Variants in ALKBH1 observed in about 807,000 individuals in gnomAD.
ALKBH1 encodes alkB homolog 1, histone H2A dioxygenase.
ALKBH1 carries 31 observed loss-of-function variants against 36.6 expected under a neutral mutation model. That is an observed-to-expected ratio of 0.85 (90% CI 0.64 to 1.14). ALKBH1 has a LOEUF of 1.14. Ranked by LOEUF, ALKBH1 falls within the 50% of genes most tolerant of loss-of-function variation. ALKBH1 has a pLI of 0.00. For missense variants in ALKBH1, 490 were observed against 497.3 expected (o/e 0.99, Z 0.14); for synonymous variants, 183 against 186.6 (o/e 0.98, Z 0.16).
chr14:77,690,285 A>G (rs2080290143), intron 3 of ALKBH1, among the ~76,000 whole-genome samples: 2 of 152,354 alleles, frequency 1.3e-5, no homozygotes. Flanking sequence ...AGGAAATGAG[A>G]GTAGAGAGGT....
intron 2 of ALKBH1, among the ~76,000 whole-genome samples, chr14:77,695,711 T>C (rs1158975019): frequency 6.6e-6 from 1 of 152,204 alleles, no homozygotes; most frequent in Non-Finnish European, 1.5e-5. Flanking sequence ...AGTGTCTCTG[T>C]ATTATCTCAG....
intron 2 of ALKBH1, among the ~76,000 whole-genome samples, chr14:77,701,728 T>C (rs975019059): frequency 8.5e-5 from 13 of 152,082 alleles, no homozygotes; most frequent in African/African-American, 3.1e-4. Flanking sequence ...GACATTATAT[T>C]TCTATTAAAT....
At chr14:77,689,114 T>C (rs530278408) in intron 3 of ALKBH1, among the ~76,000 whole-genome samples, 2 of 152,374 alleles carry the variant, frequency 1.3e-5, no homozygotes, top group South Asian at 2.1e-4. Flanking sequence ...ATGTTTTTCA[T>C]GGCCGTGCCT....
rs763243068 is a variant in ALKBH1, at chr14:77,708,008, G to C, written c.-4C>G. ...CGGCCGCTGCCATCTTCCCCATCTCGCGGCCTATACCCTCTGATCCGGAAG... is the reference window on the plus strand; with the variant it reads ...CGGCCGCTGCCATCTTCCCCATCTCCCGGCCTATACCCTCTGATCCGGAAG... On this transcript the variant is annotated 5_prime_UTR_variant, in exon 1 of 6. Coordinates refer to ENST00000216489, the MANE Select transcript of ALKBH1 (RefSeq NM_006020.3). The C allele has an allele frequency of 1.2e-6, 2 of 1,608,750 alleles. No homozygotes were observed. The highest frequency in any genetic ancestry group is 2.7e-5 in the African/African-American group (2 of 74,782).
intron 3 of ALKBH1, among the ~76,000 whole-genome samples, chr14:77,692,219 T>C (rs972479531): frequency 6.6e-6 from 1 of 152,220 alleles, no homozygotes; most frequent in Non-Finnish European, 1.5e-5. Flanking sequence ...AGAACTGTTA[T>C]GAGACACAGA....
At chr14:77,689,509 TAATA>T (rs1173911521) in intron 3 of ALKBH1, among the ~76,000 whole-genome samples, 1 of 152,166 alleles carries the variant, frequency 6.6e-6, no homozygotes, top group Non-Finnish European at 1.5e-5. Flanking sequence ...CTTATTGGAC[TAATA>T]AAGAGGGAAT....
chr14:77,679,591 C>T (rs988735146), intron 4 of ALKBH1, among the ~76,000 whole-genome samples: 1 of 152,042 alleles, frequency 6.6e-6, no homozygotes, highest in South Asian at 2.1e-4. Context: ...CCACCAGGCC[C>T]GGCAAACTTT....
intron 3 of ALKBH1, among the ~76,000 whole-genome samples, chr14:77,680,878 C>T (rs1192145647): frequency 1.3e-5 from 2 of 151,882 alleles, no homozygotes; most frequent in Non-Finnish European, 2.9e-5. Context: ...GGAGTTTCTC[C>T]ATATTGAGGC....
intron 2 of ALKBH1, among the ~76,000 whole-genome samples, chr14:77,699,924 G>A (rs796844041): frequency 1.4e-4 from 21 of 152,056 alleles, no homozygotes; most frequent in African/African-American, 2.7e-4. Context: ...GCGTGGTGGC[G>A]GGCGCCTGTA....
chr14:77,680,618 C>T lies in ALKBH1; in HGVS notation c.456-648G>A, dbSNP rs758202536. On this transcript the variant is annotated intron_variant, in intron 3 of 5. Coordinates refer to ENST00000216489, the MANE Select transcript of ALKBH1 (RefSeq NM_006020.3). ...AAACCACAGGAGGTTTCTGTACAAC[C>T]GAGACGTGCTCTTTCTGCAATTACA... Among the ~76,000 whole-genome samples the T allele has an allele frequency of 5.3e-5, 8 of 151,462 alleles. No homozygotes were observed. The East Asian group carries it at 7.7e-4, about 15-fold the overall frequency.
intron 1 of ALKBH1, among the ~76,000 whole-genome samples, chr14:77,706,419 C>T (rs1169448155): frequency 1.3e-5 from 2 of 152,156 alleles, no homozygotes; most frequent in Non-Finnish European, 2.9e-5. Flanking sequence ...CTAAACTGAA[C>T]GACACCACTG....
At chr14:77,685,523 T>C (rs2080263225) in intron 3 of ALKBH1, among the ~76,000 whole-genome samples, 1 of 151,768 alleles carries the variant, frequency 6.6e-6, no homozygotes, top group Non-Finnish European at 1.5e-5. Flanking sequence ...ACGCTTGTAA[T>C]CCTAGCACTT....
At chr14:77,681,267 G>A (rs770022474) in intron 3 of ALKBH1, among the ~76,000 whole-genome samples, 5 of 152,138 alleles carry the variant, frequency 3.3e-5, no homozygotes, top group Admixed American at 6.5e-5. Context: ...AGACTTTGAG[G>A]GGCACGAGAA....
At chr14:77,693,427 T>C (rs757590010) in intron 3 of ALKBH1, among the ~76,000 whole-genome samples, 36 of 152,182 alleles carry the variant, frequency 2.4e-4, no homozygotes, top group African/African-American at 8.2e-4. Context: ...GGAACTGTTT[T>C]TTATCTGCCT....
chr14:77,706,496 C>T (rs1341703880), intron 1 of ALKBH1, among the ~76,000 whole-genome samples: 1 of 152,182 alleles, frequency 6.6e-6, no homozygotes, highest in Non-Finnish European at 1.5e-5. Flanking sequence ...CCCCACCAGT[C>T]TCATCAGCTG....
At chr14:77,685,563 G>A (rs1595051634) in intron 3 of ALKBH1, among the ~76,000 whole-genome samples, 1 of 152,014 alleles carries the variant, frequency 6.6e-6, no homozygotes, top group Admixed American at 6.6e-5. Flanking sequence ...GATTGCCTTA[G>A]CTCAGAAGTT....
chr14:77,693,855 T>C lies in ALKBH1; in HGVS notation c.455+883A>G, dbSNP rs2080312039. ...TACAAAAATTGGTGGGGCGTGGTGG[T>C]GGATGCCTGTAATCCCAGCTACTCA... On this transcript the variant is annotated intron_variant, in intron 3 of 5. Transcript: ENST00000216489. Among the ~76,000 whole-genome samples the C allele has an allele frequency of 2.6e-5, 4 of 151,894 alleles. No homozygotes were observed. In the South Asian group the frequency reaches 6.2e-4, roughly 24 times the overall value.
intron 1 of ALKBH1, among the ~76,000 whole-genome samples, chr14:77,705,411 GAAAAAAAA>G (rs56123313): frequency 4.4e-5 from 5 of 113,376 alleles, no homozygotes; most frequent in African/African-American, 1.0e-4. Flanking sequence ...CTCCGTCTAA[GAAAAAAAA>G]AAAAAAAAAA....
At chr14:77,678,419 T>C (rs1483667612) in intron 4 of ALKBH1, among the ~76,000 whole-genome samples, 2 of 152,112 alleles carry the variant, frequency 1.3e-5, no homozygotes, top group Non-Finnish European at 2.9e-5. Context: ...GCTGAAACTG[T>C]GGAGCTTTTA....
Sources: gnomAD v4.1 joint callset for allele counts (sites outside exome capture counted in the v4.1 genomes callset) on GRCh38, gnomAD v4.1.1 for gene constraint, MANE v1.5 for transcripts, NCBI Gene and HGNC (gene_info 2026-07-23, HGNC 2026-07-21) for gene names.